Variants in TXNDC11 observed in about 807,000 individuals in gnomAD.
TXNDC11 encodes the protein thioredoxin domain containing 11, also known as thioredoxin domain-containing protein 11.
In TXNDC11, 68 loss-of-function variants were observed where a neutral mutation model predicts 78.0. The ratio of observed to expected loss-of-function variants is 0.87; its 90% CI spans 0.72 to 1.07. The LOEUF (loss-of-function observed/expected upper bound fraction) is 1.07. Ranked by LOEUF, TXNDC11 falls within the 50% of genes least tolerant of loss-of-function variation. The pLI, the probability that TXNDC11 is intolerant of heterozygous loss-of-function variation, is 0.00. For missense variants in TXNDC11, 1,389 were observed against 1,221.8 expected (o/e 1.14, Z -2.04); for synonymous variants, 571 against 495.2 (o/e 1.15, Z -2.03).
rs1239049064 is a variant in TXNDC11 at position 11,736,198 on chromosome 16, G to A, written c.290C>T (p.Pro97Leu). The A allele has an allele frequency of 6.2e-7, 1 of 1,613,536 alleles. No homozygotes were observed. Among genetic ancestry groups the A allele is most frequent in the Non-Finnish European group, 8.5e-7 (1 of 1,179,712 alleles). Residue 97 changes from proline (P) to leucine (L), a missense_variant, in exon 2 of 12, where the codon CCT (proline) becomes CTT (leucine). Pro to Leu is a moderately conservative substitution (Grantham distance 98, BLOSUM62 -3). Transcript: ENST00000283033. ...AGACCTCAAGGAGAAAAAGCTGACA[G>A]GTGGCTTTGCTGGTATTATCACATC... Reference protein sequence around the residue: ...AKDVIIPAKPPVSFFSLRSPV... With the variant: ...AKDVIIPAKPLVSFFSLRSPV...
At chr16:11,717,682 G>A (rs1238277866) in intron 5 of TXNDC11, among the ~76,000 whole-genome samples, 15 of 150,222 alleles carry the variant, frequency 1.0e-4, no homozygotes, top group South Asian at 2.1e-4. Context: ...TAAGCTGGGC[G>A]TGGTGGCAGG....
At chr16:11,740,256 A>G (rs930076293) in intron 1 of TXNDC11, among the ~76,000 whole-genome samples, 4 of 152,242 alleles carry the variant, frequency 2.6e-5, no homozygotes, top group Admixed American at 1.3e-4. Flanking sequence ...CCAGTTGCAC[A>G]GCAATAAACA....
At chr16:11,724,274 C>T (rs1193698000) in intron 4 of TXNDC11, among the ~76,000 whole-genome samples, 4 of 152,146 alleles carry the variant, frequency 2.6e-5, no homozygotes, top group Non-Finnish European at 5.9e-5. Context: ...GAGAGGGAGA[C>T]TCTGTCTCAA....
At chr16:11,716,447 G>A (rs1003572052) in intron 5 of TXNDC11, among the ~76,000 whole-genome samples, 4 of 152,158 alleles carry the variant, frequency 2.6e-5, no homozygotes, top group Non-Finnish European at 5.9e-5. Context: ...ATGTAAAAAT[G>A]TTACAAGAGG....
Position 11,679,927 on chromosome 16 carries a change from T to C in TXNDC11, c.2235-90A>G. On this transcript the variant is annotated intron_variant, in intron 11 of 11. Coordinates refer to ENST00000283033, the MANE Select transcript of TXNDC11 (RefSeq NM_015914.7). The surrounding 1 kb of genome is among the most constrained non-coding windows in gnomAD (Gnocchi z 4.6). ...CTGTACCTGAGGCCAGGCCATCTAC[T>C]TCTCACCAAGAAAAGACGTTCCGTG... The C allele has an allele frequency of 8.7e-7, 1 of 1,143,990 alleles. No homozygotes were observed. Among genetic ancestry groups the C allele is most frequent in the Non-Finnish European group, 1.3e-6 (1 of 799,814 alleles). The allele number at this position is 1,143,990 out of a possible 1,614,324, so 70.9% of individuals were successfully genotyped here.
At chr16:11,737,296 G>A (rs1268352099) in intron 1 of TXNDC11, among the ~76,000 whole-genome samples, 1 of 151,238 alleles carries the variant, frequency 6.6e-6, no homozygotes, top group East Asian at 2.0e-4. Context: ...AAATGAAAAA[G>A]TAGCTGGGCG....
In TXNDC11 at chr16:11,698,297, G is replaced by T; in HGVS notation, c.935C>A (p.Thr312Lys). ...LVFPREVLNYTAENICKWALE... is the reference protein window; with the variant it reads ...LVFPREVLNYKAENICKWALE... Reference sequence around the variant, plus strand: ...GGCCCACTTACAGATGTTCTCAGCTGTGTAGTTCAGGACCTCCCTGGGGAA... The same window carrying T: ...GGCCCACTTACAGATGTTCTCAGCTTTGTAGTTCAGGACCTCCCTGGGGAA... The change falls in exon 7 of 12, where the codon ACA becomes AAA. Residue 312 changes from threonine (T) to lysine (K), a missense_variant. Thr to Lys is a moderately conservative substitution (Grantham distance 78). Coordinates refer to ENST00000283033, the MANE Select transcript of TXNDC11 (RefSeq NM_015914.7). The T allele has an allele frequency of 6.2e-7, 1 of 1,613,872 alleles. No individual in the cohort carries two copies. The highest frequency in any genetic ancestry group is 1.1e-5 in the South Asian group (1 of 91,068).
intron 1 of TXNDC11, among the ~76,000 whole-genome samples, chr16:11,738,998 G>C (rs956286264): frequency 6.6e-6 from 1 of 151,908 alleles, no homozygotes; most frequent in Admixed American, 6.6e-5. Context: ...TTGCACTCCA[G>C]CCTGGGAAAA....
At chr16:11,725,418 A>T (rs2051846793) in intron 4 of TXNDC11, among the ~76,000 whole-genome samples, 1 of 152,206 alleles carries the variant, frequency 6.6e-6, no homozygotes, top group African/African-American at 2.4e-5. Flanking sequence ...GTTCTACCAT[A>T]AAAGAAAAAA....
chr16:11,704,669 T>C (rs532901508), intron 5 of TXNDC11, among the ~76,000 whole-genome samples: 3 of 152,238 alleles, frequency 2.0e-5, no homozygotes, highest in South Asian at 2.1e-4. Flanking sequence ...ACAGACAAAA[T>C]TGAGCAATTT....
Position 11,688,395 on chromosome 16 carries a change from G to C in TXNDC11, c.1951C>G (p.Leu651Val). 2 of 1,613,988 alleles carry C rather than the reference G, an allele frequency of 1.2e-6. No homozygotes were observed. Among genetic ancestry groups the C allele is most frequent in the East Asian group, 4.5e-5 (2 of 44,888 alleles). Residue 651 changes from leucine to valine, a missense_variant, in exon 9 of 12, where the codon CTC (leucine) becomes GTC (valine). Leu to Val is a conservative substitution (Grantham distance 32, BLOSUM62 1). Coordinates refer to ENST00000283033, the MANE Select transcript of TXNDC11 (RefSeq NM_015914.7). ...AACTGGGCAGAGCCACTTCCAATGA[G>C]ATGCCTTTTCAAGGGACTATAGAGA... ...SVLYSPLKRHLIGSGSAQFPS... is the reference protein window; with the variant it reads ...SVLYSPLKRHVIGSGSAQFPS...
intron 11 of TXNDC11, among the ~76,000 whole-genome samples, chr16:11,681,383 C>T (rs1189738159): frequency 6.6e-6 from 1 of 152,224 alleles, no homozygotes; most frequent in Non-Finnish European, 1.5e-5. Context: ...AGGACAGTGA[C>T]ATCCGTGAGC....
intron 6 of TXNDC11, among the ~76,000 whole-genome samples, chr16:11,699,791 T>C (rs1375939938): frequency 1.3e-5 from 2 of 152,200 alleles, no homozygotes; most frequent in African/African-American, 2.4e-5. Flanking sequence ...CTGACAGTGA[T>C]GCGAGAGAGA....
At chr16:11,688,196 GTTACTC>G in intron 9 of TXNDC11, 101 bp downstream of exon 9, 1 of 1,275,080 alleles carries the variant, frequency 7.8e-7, no homozygotes, top group African/African-American at 1.5e-5. Context: ...CCATCACGTG[GTTACTC>G]TTCTATACAT....
intron 11 of TXNDC11, among the ~76,000 whole-genome samples, chr16:11,682,364 T>TC (rs1567288128): frequency 6.6e-6 from 1 of 152,212 alleles, no homozygotes; most frequent in Non-Finnish European, 1.5e-5. Flanking sequence ...CTTCTTATGT[T>TC]CGATATTTAG....
At chr16:11,714,770 G>C (rs921342143) in intron 5 of TXNDC11, among the ~76,000 whole-genome samples, 6 of 152,164 alleles carry the variant, frequency 3.9e-5, no homozygotes, top group African/African-American at 1.4e-4. Context: ...ACGCCACCTG[G>C]TGGAGTACAG....
At chr16:11,710,520 G>T (rs2051319831) in intron 5 of TXNDC11, among the ~76,000 whole-genome samples, 1 of 152,160 alleles carries the variant, frequency 6.6e-6, no homozygotes, top group Non-Finnish European at 1.5e-5. Context: ...GTGAGAAAAG[G>T]CCGCTGGGCC....
intron 5 of TXNDC11, among the ~76,000 whole-genome samples, chr16:11,718,690 A>C (rs1026428695): frequency 6.6e-6 from 1 of 152,044 alleles, no homozygotes; most frequent in African/African-American, 2.4e-5. Context: ...ATTTAGCCAC[A>C]AAAAAATGGG....
At chr16:11,740,001 T>C (rs1182676984) in intron 1 of TXNDC11, among the ~76,000 whole-genome samples, 1 of 152,068 alleles carries the variant, frequency 6.6e-6, no homozygotes, top group Admixed American at 6.6e-5. Context: ...GAGACCAGCC[T>C]GGTCAACATG....
Sources: gnomAD v4.1 joint callset for allele counts (sites outside exome capture counted in the v4.1 genomes callset) on GRCh38, gnomAD v4.1.1 for gene constraint, Gnocchi (gnomAD v3.1) non-coding constraint, MANE v1.5 for transcripts, NCBI Gene and HGNC (gene_info 2026-07-23, HGNC 2026-07-21) for gene names.